CYP2C8: variants seen among roughly 807,000 people sequenced by gnomAD.
CYP2C8 encodes cytochrome P450 family 2 subfamily C member 8.
In CYP2C8, 51 loss-of-function variants were observed where a neutral mutation model predicts 41.3. The observed-to-expected ratio is 1.24, with a 90% CI of 0.99 to 1.56. The LOEUF is 1.56. CYP2C8 is among the 40% of genes most tolerant of loss of function. The pLI is 0.00. For missense variants in CYP2C8, 651 were observed against 579.9 expected (o/e 1.12, Z -1.26); for synonymous variants, 218 against 205.8 (o/e 1.06, Z -0.51).
chr10:95,065,008 A>G (rs1048356728), intron 3 of CYP2C8, 48 bp from the exon 4 acceptor site: 6 of 1,352,116 alleles, frequency 4.4e-6, no homozygotes, highest in Non-Finnish European at 5.8e-6. Flanking sequence ...ATAAATATTT[A>G]AAAGATTTGC....
At chr10:95,040,104 C>T (rs1324751393) in intron 7 of CYP2C8, among the ~76,000 whole-genome samples, 1 of 152,020 alleles carries the variant, frequency 6.6e-6, no homozygotes, top group East Asian at 1.9e-4. Context: ...AGAAAAAAGC[C>T]ATAAAAATAT....
Position 95,044,614 on chromosome 10 carries a change from C to CT in CYP2C8, c.961+1195dup, listed in dbSNP as rs546160945. On this transcript the variant is annotated intron_variant, in intron 6 of 8. Coordinates refer to ENST00000371270, the MANE Select transcript of CYP2C8 (RefSeq NM_000770.3). ...TCTGAGGAATAGATCTTTCTCAAACCTTTTTTTTTTCTGTCTTCACATCTC... is the reference window on the plus strand; with the variant it reads ...TCTGAGGAATAGATCTTTCTCAAACCTTTTTTTTTTTCTGTCTTCACATCTC... Among the ~76,000 whole-genome samples, 444 of 149,320 alleles carry CT rather than the reference C, an allele frequency of 3.0e-3. 2 individuals carry two copies. The highest frequency in any genetic ancestry group is 5.0e-3 in the Non-Finnish European group (334 of 67,080).
rs566014247 is a variant in CYP2C8 at position 95,059,526 on chromosome 10, G to T, written c.643-1015C>A. Among the ~76,000 whole-genome samples, 203 of 152,226 alleles carry T rather than the reference G, an allele frequency of 1.3e-3. 1 individual carries two copies. The highest frequency in any genetic ancestry group is 4.6e-3 in the African/African-American group (191 of 41,528). On this transcript the variant is annotated intron_variant, in intron 4 of 8. Transcript: ENST00000371270. ...TCTTGTAAATTTGTTTGAGTTCATT[G>T]TAGATTCTGGATATTAGCCCTTTGT...
At chr10:95,063,826 G>A (rs2033494896) in intron 4 of CYP2C8, among the ~76,000 whole-genome samples, 1 of 152,176 alleles carries the variant, frequency 6.6e-6, no homozygotes, top group Non-Finnish European at 1.5e-5. Context: ...TGGTGTGGAT[G>A]TCCTTTCTGT....
At chr10:95,062,110 T>C (rs1474100010) in intron 4 of CYP2C8, among the ~76,000 whole-genome samples, 6 of 152,210 alleles carry the variant, frequency 3.9e-5, no homozygotes, top group African/African-American at 1.2e-4. Context: ...GAAGAATGTA[T>C]ATTCTGTTGA....
intron 5 of CYP2C8, among the ~76,000 whole-genome samples, chr10:95,055,789 A>C (rs2033304519): frequency 6.6e-6 from 1 of 152,186 alleles, no homozygotes; most frequent in South Asian, 2.1e-4. Context: ...CAAGCAACCC[A>C]GTATAGAAAT....
chr10:95,059,416 G>C (rs2033377695), intron 4 of CYP2C8, among the ~76,000 whole-genome samples: 1 of 123,176 alleles, frequency 8.1e-6, no homozygotes, highest in South Asian at 2.8e-4. Context: ...ATTTTTTCAT[G>C]TGTTTTTTGG....
Position 95,069,428 on chromosome 10 carries a change from A to T in CYP2C8, c.-26T>A. The T allele has an allele frequency of 6.2e-7, 1 of 1,606,508 alleles. No homozygotes were observed. Among genetic ancestry groups the T allele is most frequent in the Non-Finnish European group, 8.5e-7 (1 of 1,173,460 alleles). On this transcript the variant is annotated 5_prime_UTR_variant, in exon 1 of 9. Coordinates refer to ENST00000371270, the MANE Select transcript of CYP2C8 (RefSeq NM_000770.3). Reference sequence around the variant, plus strand: ...TGAAGCCTTCTCTTCTTATTAAGACAGCTGTGAGCTTGCACTCCAAAGTTT... The same window carrying T: ...TGAAGCCTTCTCTTCTTATTAAGACTGCTGTGAGCTTGCACTCCAAAGTTT...
At chr10:95,061,389 A>C (rs1024025142) in intron 4 of CYP2C8, among the ~76,000 whole-genome samples, 6 of 152,106 alleles carry the variant, frequency 3.9e-5, no homozygotes, top group African/African-American at 1.4e-4. Flanking sequence ...TGTGTGGAGA[A>C]ATTTATCCAT....
intron 5 of CYP2C8, among the ~76,000 whole-genome samples, chr10:95,054,110 G>A (rs1206178609): frequency 3.9e-5 from 6 of 151,934 alleles, no homozygotes; most frequent in African/African-American, 9.7e-5. Flanking sequence ...ATTCAGCATC[G>A]TTCTTAAGGT....
At chr10:95,064,761 A>G in intron 4 of CYP2C8, 39 bp downstream of exon 4, 2 of 1,597,402 alleles carry the variant, frequency 1.3e-6, no homozygotes, top group Non-Finnish European at 1.7e-6. Context: ...TACAACCTTG[A>G]ATAAATGGTT....
At chr10:95,067,508 C>T in intron 2 of CYP2C8, 21 bp downstream of exon 2, 1 of 1,614,120 alleles carries the variant, frequency 6.2e-7, no homozygotes, top group Non-Finnish European at 8.5e-7. Context: ...CCAAAGCTGA[C>T]ACAGAAATAT....
rs11572178 is a variant in CYP2C8 at position 95,037,335 on chromosome 10, G to A, written c.1292-26C>T. On this transcript the variant is annotated intron_variant, in intron 8 of 8. Transcript: ENST00000371270. ...CTGAAGATAACAAAGAAAGGAAGTA[G>A]TTACTCCTTGTGTTTAACTGTGACT... 9 of 1,599,126 alleles carry A rather than the reference G, an allele frequency of 5.6e-6. No individual in the cohort carries two copies. In the African/African-American group the frequency reaches 9.4e-5, roughly 17 times the overall value.
At position 95,042,855 on chromosome 10, in the gene CYP2C8, AGTACAGAAATATAGT is replaced by A. The variant is rs1289072868; in HGVS notation, c.1149+20_1149+34del. 1.8e-5 allele frequency: 29 copies of A among 1,578,000 alleles called. No homozygotes were observed. Among genetic ancestry groups the A allele is most frequent in the Non-Finnish European group, 2.5e-5 (29 of 1,147,136 alleles). On this transcript the variant is annotated intron_variant, in intron 7 of 8. Transcript: ENST00000371270. ...AAACCAGCACTATGGAAATTTCAGA[AGTACAGAAATATAGT>A]GTAAGAGAAACAAGCTTACCTTGGG...
At chr10:95,066,131 A>AGAGT (rs2033557144) in intron 3 of CYP2C8, among the ~76,000 whole-genome samples, 2 of 96,864 alleles carry the variant, frequency 2.1e-5, no homozygotes, top group Non-Finnish European at 4.0e-5. Flanking sequence ...AGAGAGAGAG[A>AGAGT]GAGAGAGAGA....
In CYP2C8 at chr10:95,067,567, C is replaced by T; in HGVS notation, c.293G>A (p.Gly98Asp). The change falls in exon 2 of 9, where the codon GGC becomes GAC. Residue 98 changes from glycine (G) to aspartate (D), a missense_variant. By Grantham distance (94) the Gly-to-Asp change is moderately conservative. Coordinates refer to ENST00000371270, the MANE Select transcript of CYP2C8 (RefSeq NM_000770.3). ...IDNGEEFSGRGNSPISQRITK... is the reference protein window; with the variant it reads ...IDNGEEFSGRDNSPISQRITK... ...AATTCTTTGAGATATTGGGGAATTG[C>T]CTCTTCCAGAAAACTCCTCTCCATT... 6.2e-7 allele frequency: 1 copy of T among 1,614,162 alleles called. No homozygotes were observed. The highest frequency in any genetic ancestry group is 8.5e-7 in the Non-Finnish European group (1 of 1,180,026).
At position 95,058,480 on chromosome 10, in the gene CYP2C8, C is replaced by A. The variant is rs777473406; in HGVS notation, c.674G>T (p.Cys225Phe). Residue 225 changes from cysteine (C) to phenylalanine (F), a missense_variant, in exon 5 of 9, where the codon TGT (cysteine) becomes TTT (phenylalanine). Coordinates refer to ENST00000371270, the MANE Select transcript of CYP2C8 (RefSeq NM_000770.3). ...VCNNFPLLID[C>F]FPGTHNKVLK... ...CACTTTGTTGTGAGTTCCTGGGAAA[C>A]AATCAATGAGTAGAGGGAAATTATT... 2 of 1,612,670 alleles carry A rather than the reference C, an allele frequency of 1.2e-6. No individual in the cohort carries two copies. Among genetic ancestry groups the A allele is most frequent in the Admixed American group, 1.7e-5 (1 of 59,806 alleles).
rs1359952421 is a variant in CYP2C8, at chr10:95,037,320, C to T, written c.1292-11G>A. On this transcript the variant is annotated splice_polypyrimidine_tract_variant and intron_variant, in intron 8 of 8. Transcript: ENST00000371270. Reference sequence around the variant, plus strand: ...CACAAATTCGTTTTCCTGAAGATAACAAAGAAAGGAAGTAGTTACTCCTTG... The same window carrying T: ...CACAAATTCGTTTTCCTGAAGATAATAAAGAAAGGAAGTAGTTACTCCTTG... 8 of 1,612,034 alleles carry T rather than the reference C, an allele frequency of 5.0e-6. No homozygotes were observed. The Admixed American group carries it at 1.3e-4, about 27-fold the overall frequency.
At chr10:95,053,377 A>G (rs2033247673) in intron 5 of CYP2C8, among the ~76,000 whole-genome samples, 1 of 152,154 alleles carries the variant, frequency 6.6e-6, no homozygotes, top group Non-Finnish European at 1.5e-5. Context: ...AAGAATCTAA[A>G]ACCAGAAATA....
Sources: gnomAD v4.1 joint callset for allele counts (sites outside exome capture counted in the v4.1 genomes callset) on GRCh38, gnomAD v4.1.1 for gene constraint, MANE v1.5 for transcripts, NCBI Gene and HGNC (gene_info 2026-07-23, HGNC 2026-07-21) for gene names.